LZTFL1: variants seen among roughly 807,000 people sequenced by gnomAD.
LZTFL1 encodes the protein leucine zipper transcription factor-like protein 1.
LZTFL1 carries 25 observed loss-of-function variants against 45.9 expected under a neutral mutation model. That is an observed-to-expected ratio of 0.54 (90% CI 0.40 to 0.76). The LOEUF (loss-of-function observed/expected upper bound fraction) is 0.76. Ranked by LOEUF, LZTFL1 falls within the 30% of genes least tolerant of loss-of-function variation. The pLI is 0.00. For synonymous variants in LZTFL1, 93 were observed against 117.4 expected (o/e 0.79, Z 1.35); for missense variants, 277 against 331.1 (o/e 0.84, Z 1.27).
At chr3:45,914,531 C>T (rs554196933) in intron 1 of LZTFL1, among the ~76,000 whole-genome samples, 13 of 152,266 alleles carry the variant, frequency 8.5e-5, no homozygotes, top group South Asian at 6.2e-4. Flanking sequence ...GCCTCGGCCA[C>T]CCAAAATGCT....
chr3:45,864,211 C>T (rs1377403271), intron 2 of LZTFL1, among the ~76,000 whole-genome samples: 1 of 152,018 alleles, frequency 6.6e-6, no homozygotes. Flanking sequence ...TTTTGTGAAA[C>T]ATTTTCTAAA....
At chr3:45,876,101 C>A (rs1327194123) in intron 2 of LZTFL1, among the ~76,000 whole-genome samples, 1 of 152,204 alleles carries the variant, frequency 6.6e-6, no homozygotes, top group Non-Finnish European at 1.5e-5. Flanking sequence ...GCTCTTGGCA[C>A]AAACTCAGTG....
chr3:45,892,703 C>G (rs774169240), intron 2 of LZTFL1, among the ~76,000 whole-genome samples: 1 of 152,014 alleles, frequency 6.6e-6, no homozygotes, highest in Non-Finnish European at 1.5e-5. Flanking sequence ...GCACATATAC[C>G]CCTGAAGCTA....
chr3:45,835,554 C>G (rs1427183474), intron 3 of LZTFL1, 36 bp downstream of exon 3: 1 of 1,572,552 alleles, frequency 6.4e-7, no homozygotes, highest in Admixed American at 1.7e-5. Flanking sequence ...ATGCTTGGGC[C>G]ATTATTGTCA....
intron 1 of LZTFL1, among the ~76,000 whole-genome samples, chr3:45,915,009 C>T (rs1032416788): frequency 1.4e-4 from 21 of 151,982 alleles, no homozygotes; most frequent in Admixed American, 9.8e-4. Flanking sequence ...GCATGCAGGG[C>T]CCTGTTTGTG....
At chr3:45,887,886 A>G (rs1702030984) in intron 2 of LZTFL1, among the ~76,000 whole-genome samples, 1 of 150,928 alleles carries the variant, frequency 6.6e-6, no homozygotes, top group South Asian at 2.1e-4. Flanking sequence ...CAGAGCTATG[A>G]AAAAATGTAA....
intron 2 of LZTFL1, among the ~76,000 whole-genome samples, chr3:45,879,068 A>C (rs571533796): frequency 7.9e-5 from 12 of 152,342 alleles, no homozygotes; most frequent in African/African-American, 2.9e-4. Context: ...GGGAATGCAA[A>C]AAGGTACAGC....
chr3:45,853,355 G>A (rs1177624066), intron 4 of LZTFL1, among the ~76,000 whole-genome samples: 3 of 152,120 alleles, frequency 2.0e-5, no homozygotes, highest in Non-Finnish European at 2.9e-5. Flanking sequence ...CTACACTAGG[G>A]GAAACATCTT....
chr3:45,871,404 T>C (rs865930352), intron 2 of LZTFL1, among the ~76,000 whole-genome samples: 2 of 152,218 alleles, frequency 1.3e-5, no homozygotes, highest in Admixed American at 6.5e-5. Context: ...GGTGAAAACA[T>C]TGTTTTTATT....
intron 2 of LZTFL1, among the ~76,000 whole-genome samples, chr3:45,886,268 C>A (rs1701977978): frequency 6.6e-6 from 1 of 152,164 alleles, no homozygotes; most frequent in Non-Finnish European, 1.5e-5. Flanking sequence ...TCGATGGGAT[C>A]CTCCAATTTC....
chr3:45,831,572 CCAAA>C (rs1340513780), intron 5 of LZTFL1, among the ~76,000 whole-genome samples: 4 of 152,206 alleles, frequency 2.6e-5, no homozygotes, highest in Non-Finnish European at 5.9e-5. Flanking sequence ...TGAGGTGAGG[CCAAA>C]CACTTTTGTT....
At chr3:45,907,099 C>T (rs1055681068) in intron 2 of LZTFL1, among the ~76,000 whole-genome samples, 6 of 152,140 alleles carry the variant, frequency 3.9e-5, no homozygotes, top group Non-Finnish European at 7.4e-5. Flanking sequence ...TGCCCATGGC[C>T]GGTGGTCTGC....
chr3:45,843,918 C>T (rs1457070094), upstream of LZTFL1, among the ~76,000 whole-genome samples: 1 of 152,154 alleles, frequency 6.6e-6, no homozygotes, highest in Non-Finnish European at 1.5e-5. Flanking sequence ...TCCTACTTTA[C>T]TAGTGATCTT....
At chr3:45,860,713 C>T (rs148040223) in intron 2 of LZTFL1, among the ~76,000 whole-genome samples, 4 of 152,294 alleles carry the variant, frequency 2.6e-5, no homozygotes, top group Non-Finnish European at 4.4e-5. Flanking sequence ...ATGATGAAGA[C>T]AGGACAGGCT....
chr3:45,841,833 T>C, intron 1 of LZTFL1, 156 bp downstream of exon 1: 1 of 983,940 alleles, frequency 1.0e-6, no homozygotes, highest in Non-Finnish European at 1.5e-6. Flanking sequence ...TAACCGAATC[T>C]CTCGCGCCCG....
Position 45,900,529 on chromosome 3 carries a change from G to T in LZTFL1, c.-215+12591C>A, listed in dbSNP as rs186981924. On this transcript the variant is annotated intron_variant, in intron 2 of 4. Transcript: ENST00000472635. This position sits in a 1 kb window ranked among gnomAD's most constrained non-coding sequence, Gnocchi z 4.7. Reference sequence around the variant, plus strand: ...CATTTGCGTGTCTGGTTGCTCTATGGGTAGGTAAGTTTCCTGAGAGTGAAG... The same window carrying T: ...CATTTGCGTGTCTGGTTGCTCTATGTGTAGGTAAGTTTCCTGAGAGTGAAG... Among the ~76,000 whole-genome samples, 33 of 152,208 alleles carry T rather than the reference G, an allele frequency of 2.2e-4. No individual in the cohort carries two copies. The highest frequency in any genetic ancestry group is 6.3e-4 in the African/African-American group (26 of 41,518).
chr3:45,866,603 A>G (rs1484112500), intron 2 of LZTFL1, among the ~76,000 whole-genome samples: 1 of 152,216 alleles, frequency 6.6e-6, no homozygotes, highest in Non-Finnish European at 1.5e-5. Context: ...GTATATAATG[A>G]GGGCTTTTTC....
intron 2 of LZTFL1, among the ~76,000 whole-genome samples, chr3:45,886,000 G>C (rs749174177): frequency 1.3e-5 from 2 of 152,234 alleles, no homozygotes; most frequent in Non-Finnish European, 2.9e-5. Context: ...GACTACAGAG[G>C]TGAGCCACTG....
At chr3:45,835,505 A>C in intron 3 of LZTFL1, 85 bp downstream of exon 3, 4 of 1,359,634 alleles carry the variant, frequency 2.9e-6, no homozygotes, top group Non-Finnish European at 4.2e-6. Flanking sequence ...TAGCCCCAAG[A>C]AAATATGCAG....
Sources: gnomAD v4.1 joint callset for allele counts (sites outside exome capture counted in the v4.1 genomes callset) on GRCh38, gnomAD v4.1.1 for gene constraint, Gnocchi (gnomAD v3.1) non-coding constraint, MANE v1.5 for transcripts, NCBI Gene and HGNC (gene_info 2026-07-23, HGNC 2026-07-21) for gene names.